The following DIP2C variants were observed in gnomAD, a reference collection of about 807,000 sequenced individuals.
The protein encoded by DIP2C is DIP2 acetate--CoA ligase C (putative).
Under a neutral mutation model 192.4 loss-of-function variants are expected in DIP2C, and 33 were observed. That is an observed-to-expected ratio of 0.17 (90% confidence interval 0.13 to 0.23). DIP2C has a LOEUF of 0.23. Ranked by LOEUF, DIP2C falls within the 10% of genes least tolerant of loss-of-function variation. The probability of loss-of-function intolerance (pLI) is 1.00; values close to 1 mark genes in which losing one functional copy is unlikely to be tolerated. For synonymous variants in DIP2C, 979 were observed against 864.1 expected, an observed-to-expected ratio of 1.13 and a Z score of -2.33; for missense variants, 1,537 against 2,110.1, an observed-to-expected ratio of 0.73 and a Z score of 5.32.
At position 503,061 on chromosome 10, in the gene DIP2C, ACATAAATTCCGC is replaced by A. The variant is rs574735845; in HGVS notation, c.86-16543_86-16532del. 2.0e-3 allele frequency among the ~76,000 whole-genome samples: 300 copies of A among 151,924 alleles called. 1 individual carries two copies. Among genetic ancestry groups the A allele is most frequent in the Middle Eastern group, 0.014 (4 of 294 alleles). ...AACCTGCGGACTTACCACAATTCCAACATAAATTCCGCCAAGACGCCTACCTGCAGACTTACC... is the reference window on the plus strand; with the variant it reads ...AACCTGCGGACTTACCACAATTCCAACAAGACGCCTACCTGCAGACTTACC... On this transcript the variant is annotated intron_variant, in intron 1 of 36. Coordinates refer to ENST00000280886, the MANE Select transcript of DIP2C (RefSeq NM_014974.3).
intron 1 of DIP2C, among the ~76,000 whole-genome samples, chr10:591,505 T>C (rs1851401671): frequency 6.6e-6 from 1 of 152,230 alleles, no homozygotes; most frequent in Non-Finnish European, 1.5e-5. Context: ...CTATATTTTT[T>C]CCAAGAGAAC....
chr10:325,280 A>G (rs1957225602), intron 31 of DIP2C, among the ~76,000 whole-genome samples: 1 of 151,492 alleles, frequency 6.6e-6, no homozygotes, highest in Admixed American at 6.6e-5. Flanking sequence ...CAAACAAACA[A>G]AAAAAAAACA....
chr10:343,027 C>T (rs985777548), intron 28 of DIP2C, among the ~76,000 whole-genome samples: 5 of 152,184 alleles, frequency 3.3e-5, no homozygotes, highest in African/African-American at 4.8e-5. Flanking sequence ...AGGTGGCTCA[C>T]GCCTGTGATC....
chr10:292,915 C>T (rs1360288409), intron 32 of DIP2C, among the ~76,000 whole-genome samples: 2 of 152,226 alleles, frequency 1.3e-5, no homozygotes. Flanking sequence ...AGGACCACCA[C>T]CCCCTGGCAG....
At chr10:399,751 C>T (rs529961678) in intron 9 of DIP2C, among the ~76,000 whole-genome samples, 1 of 152,312 alleles carries the variant, frequency 6.6e-6, no homozygotes, top group African/African-American at 2.4e-5. Flanking sequence ...ACATAGAGAA[C>T]TCAGTGGGCT....
Position 344,988 on chromosome 10 carries a change from A to G in DIP2C, c.3343+11T>C. 2 of 1,611,158 alleles carry G rather than the reference A, an allele frequency of 1.2e-6. No individual in the cohort carries two copies. Among genetic ancestry groups the G allele is most frequent in the Non-Finnish European group, 1.7e-6 (2 of 1,179,158 alleles). On this transcript the variant is annotated intron_variant, in intron 27 of 36. Coordinates refer to ENST00000280886, the MANE Select transcript of DIP2C (RefSeq NM_014974.3). ...CGTGAGCAAACCACCTTCTGCAGCT[A>G]AAGCACCAACCTGTGTCCAGGATGA...
chr10:571,209 TTC>T (rs1449123232), intron 1 of DIP2C, among the ~76,000 whole-genome samples: 7 of 152,180 alleles, frequency 4.6e-5, no homozygotes, highest in Non-Finnish European at 8.8e-5. Context: ...GGAGAAGCAC[TTC>T]TCTCTCCAAC....
At chr10:565,436 T>A (rs1849415735) in intron 1 of DIP2C, among the ~76,000 whole-genome samples, 1 of 149,756 alleles carries the variant, frequency 6.7e-6, no homozygotes, top group South Asian at 2.1e-4. Flanking sequence ...ACATCTCACA[T>A]GCAGTGAAAC....
chr10:292,471 T>G (rs913211118), intron 32 of DIP2C, among the ~76,000 whole-genome samples: 3 of 152,212 alleles, frequency 2.0e-5, no homozygotes, highest in African/African-American at 7.2e-5. Flanking sequence ...AAAGCAGAGA[T>G]AGAGAGTTGA....
intron 1 of DIP2C, among the ~76,000 whole-genome samples, chr10:530,249 A>AC (rs1847285556): frequency 6.6e-6 from 1 of 152,204 alleles, no homozygotes; most frequent in Admixed American, 6.5e-5. Context: ...TAAGCAGAGG[A>AC]CCAAGGGTTT....
chr10:574,127 G>T (rs1159303115), intron 1 of DIP2C, among the ~76,000 whole-genome samples: 3 of 152,202 alleles, frequency 2.0e-5, no homozygotes, highest in Admixed American at 6.5e-5. Context: ...GCATTTTACT[G>T]ACTACACGGC....
chr10:663,997 G>A (rs1261415866), intron 1 of DIP2C: 2 of 139,072 alleles, frequency 1.4e-5, no homozygotes, highest in African/African-American at 6.7e-5. Context: ...CTCCTCCCAG[G>A]AGGAAAAAAC....
intron 3 of DIP2C, among the ~76,000 whole-genome samples, chr10:452,905 C>T (rs968058711): frequency 1.3e-5 from 2 of 152,142 alleles, no homozygotes; most frequent in Admixed American, 6.5e-5. Flanking sequence ...CCAACGCCAG[C>T]GGATCACCGG....
intron 14 of DIP2C, 44 bp from the exon 15 acceptor site, chr10:384,683 C>T (rs534892767): frequency 1.9e-5 from 31 of 1,592,728 alleles, no homozygotes; most frequent in Middle Eastern, 1.7e-4. Flanking sequence ...TGGAGGGGCA[C>T]GCAGAGGAGC....
At chr10:367,193 G>A (rs544793698) in intron 18 of DIP2C, among the ~76,000 whole-genome samples, 25 of 152,268 alleles carry the variant, frequency 1.6e-4, no homozygotes, top group South Asian at 1.2e-3. Flanking sequence ...CGAGGCGGGC[G>A]GATCACAAGG....
At position 666,677 on chromosome 10, in the gene DIP2C, A is replaced by C. The variant is rs17136372; in HGVS notation, c.85+22817T>G. On this transcript the variant is annotated intron_variant, in intron 1 of 36. Coordinates refer to ENST00000280886, the MANE Select transcript of DIP2C (RefSeq NM_014974.3). This position sits in a 1 kb window ranked among gnomAD's most constrained non-coding sequence, Gnocchi z 4.1. ...CGCACAGCTATTAAAAGTTCAATAAACGTGGTGGCAGCAGCTGAACTGGCT... is the reference window on the plus strand; with the variant it reads ...CGCACAGCTATTAAAAGTTCAATAACCGTGGTGGCAGCAGCTGAACTGGCT... 137,220 of 152,286 alleles carry C rather than the reference A, an allele frequency of 0.9. 62,494 individuals carry two copies. Among genetic ancestry groups the C allele is most frequent in the South Asian group, 0.97 (4,698 of 4,824 alleles). The allele number at this position is 152,286 out of a possible 1,614,324, so 9.4% of individuals were successfully genotyped here.
In DIP2C at chr10:419,120, C is replaced by T. The variant is rs745815672; in HGVS notation, c.684G>A (p.Thr228=). ...SIQVERPQGS[T]GSRTAPKYGN... is the part of the protein sequence containing the mutation. ...CGTACTTGGGCGCTGTCCGGGACCCCGTGGAACCCTGCGGTCTCTCCACCT... is the reference window on the plus strand; with the variant it reads ...CGTACTTGGGCGCTGTCCGGGACCCTGTGGAACCCTGCGGTCTCTCCACCT... Residue 228 remains threonine (T), a synonymous_variant, in exon 6 of 37, where the codon ACG becomes ACA. Transcript: ENST00000280886. 8 of 1,614,260 alleles carry T rather than the reference C, an allele frequency of 5.0e-6. No individual in the cohort carries two copies. Among genetic ancestry groups the T allele is most frequent in the South Asian group, 4.4e-5 (4 of 91,090 alleles).
At chr10:348,587 G>A in intron 26 of DIP2C, 54 bp downstream of exon 26, 2 of 1,589,152 alleles carry the variant, frequency 1.3e-6, no homozygotes, top group African/African-American at 1.4e-5. Context: ...CGCGTTGCAA[G>A]CTCCACACTC....
chr10:424,059 A>C (rs1966401414), intron 4 of DIP2C, among the ~76,000 whole-genome samples: 1 of 152,156 alleles, frequency 6.6e-6, no homozygotes, highest in Admixed American at 6.5e-5. Flanking sequence ...TTGGGAATAA[A>C]TTGTTGGTGT....
Sources: allele counts gnomAD v4.1 joint callset (sites outside exome capture counted in the v4.1 genomes callset), GRCh38; gene constraint gnomAD v4.1.1; non-coding constraint Gnocchi (gnomAD v3.1); transcripts MANE v1.5; gene names NCBI Gene and HGNC (gene_info 2026-07-23, HGNC 2026-07-21).